The following NYAP2 variants were observed in gnomAD, a reference collection of about 807,000 sequenced individuals.
NYAP2 encodes neuronal tyrosine-phosphorylated phosphoinositide-3-kinase adaptor 2, also known as neuronal tyrosine-phosphorylated phosphoinositide-3-kinase adapter 2.
NYAP2 carries 23 observed loss-of-function variants against 50.4 expected under a neutral mutation model. That is an observed-to-expected ratio of 0.46 (90% confidence interval 0.33 to 0.65). NYAP2 has a LOEUF of 0.65. NYAP2 is among the 30% of genes least tolerant of loss of function. The pLI, the probability that NYAP2 is intolerant of heterozygous loss-of-function variation, is 0.02. For missense variants in NYAP2, 885 were observed against 861.0 expected, an observed-to-expected ratio of 1.03 and a Z score of -0.35; for synonymous variants, 394 against 365.2, an observed-to-expected ratio of 1.08 and a Z score of -0.90.
At chr2:225,570,149 C>T (rs115138455) in intron 4 of NYAP2, among the ~76,000 whole-genome samples, 160 of 152,286 alleles carry the variant, frequency 1.1e-3, no homozygotes, top group African/African-American at 3.4e-3. Context: ...TTGTGATATA[C>T]ACTGTGAACA....
rs1690979046 is a variant in NYAP2, at chr2:225,518,546, ATATATATATATATATATAT to A, written c.523+4875_523+4893del. ...AATATATATATATATATATATATATATATATATATATATATATATATATTAGCGTGTGCGCTTATATATA... is the reference window on the plus strand; with the variant it reads ...AATATATATATATATATATATATATAATATTAGCGTGTGCGCTTATATATA... On this transcript the variant is annotated intron_variant, in intron 4 of 6. Coordinates refer to ENST00000636099, the Ensembl canonical transcript of NYAP2. Among the ~76,000 whole-genome samples, 4 of 74,302 alleles carry A rather than the reference ATATATATATATATATATAT, an allele frequency of 5.4e-5. 1 individual carries two copies. The highest frequency in any genetic ancestry group is 2.0e-4 in the African/African-American group (4 of 19,824). 48.7% of individuals were successfully genotyped at this position (74,302 alleles called of 152,430 possible).
intron 4 of NYAP2, among the ~76,000 whole-genome samples, chr2:225,561,648 A>G (rs534068141): frequency 4.0e-4 from 61 of 152,210 alleles, no homozygotes; most frequent in African/African-American, 1.3e-3. Context: ...AGAGGCAGCT[A>G]TAGTTTATTG....
chr2:225,581,822 A>G (rs1692273943), intron 4 of NYAP2, 119 bp from the exon 5 acceptor site: 4 of 947,080 alleles, frequency 4.2e-6, no homozygotes, highest in Non-Finnish European at 6.4e-6. Context: ...AACTCAAACT[A>G]AGAATGAAGC....
chr2:225,661,703 C>T, the NYAP2 span, among the ~76,000 whole-genome samples: 1 of 149,720 alleles, frequency 6.7e-6, no homozygotes, highest in Non-Finnish European at 1.5e-5. Flanking sequence ...TCATATATAA[C>T]TTCCTTTTTG....
At chr2:225,494,155 A>G (rs1294602243) in intron 3 of NYAP2, among the ~76,000 whole-genome samples, 1 of 152,236 alleles carries the variant, frequency 6.6e-6, no homozygotes. Flanking sequence ...AAGAAGAAAA[A>G]TATTTTATAA....
the NYAP2 span, among the ~76,000 whole-genome samples, chr2:225,666,113 C>T: frequency 5.9e-5 from 9 of 151,966 alleles, no homozygotes; most frequent in African/African-American, 1.5e-4. Context: ...AATTAACTTT[C>T]GGCCAATTTA....
At chr2:225,462,694 A>G (rs1689852373) in intron 3 of NYAP2, among the ~76,000 whole-genome samples, 1 of 152,316 alleles carries the variant, frequency 6.6e-6, no homozygotes, top group African/African-American at 2.4e-5. Context: ...ATCAGAGCAC[A>G]ATCAGAATGT....
chr2:225,488,930 G>A (rs1229790084), intron 3 of NYAP2, among the ~76,000 whole-genome samples: 2 of 152,140 alleles, frequency 1.3e-5, no homozygotes, highest in East Asian at 3.9e-4. Context: ...AAACCACATA[G>A]TAAATAGGGA....
chr2:225,539,532 G>T (rs1281082164), intron 4 of NYAP2, among the ~76,000 whole-genome samples: 1 of 152,142 alleles, frequency 6.6e-6, no homozygotes, highest in South Asian at 2.1e-4. Flanking sequence ...TTTAATGATT[G>T]CCATTCTAAC....
downstream of NYAP2, among the ~76,000 whole-genome samples, chr2:225,655,684 C>G (rs1693809177): frequency 6.6e-6 from 1 of 152,094 alleles, no homozygotes; most frequent in Non-Finnish European, 1.5e-5. Context: ...CCATTGGAAA[C>G]AGTGCCATCT....
At chr2:225,583,342 G>C (rs1227393156) in intron 5 of NYAP2, among the ~76,000 whole-genome samples, 23 of 152,094 alleles carry the variant, frequency 1.5e-4, no homozygotes, top group Admixed American at 1.3e-3. Flanking sequence ...AGTGAAAATA[G>C]GGACCACTAT....
chr2:225,569,782 C>T (rs1202379402), intron 4 of NYAP2, among the ~76,000 whole-genome samples: 1 of 152,152 alleles, frequency 6.6e-6, no homozygotes, highest in Non-Finnish European at 1.5e-5. Context: ...GATTCCAGAG[C>T]ACGTTCTCCC....
chr2:225,621,158 T>C (rs1430390720), intron 5 of NYAP2, among the ~76,000 whole-genome samples: 2 of 147,178 alleles, frequency 1.4e-5, no homozygotes, highest in Non-Finnish European at 3.0e-5. Context: ...TGGGCTGAAG[T>C]AGATGGGTCG....
intron 6 of NYAP2, among the ~76,000 whole-genome samples, chr2:225,638,299 A>G (rs1355772296): frequency 6.6e-6 from 1 of 151,796 alleles, no homozygotes; most frequent in South Asian, 2.1e-4. Context: ...TGGAAAGTCA[A>G]ATGAGAGAGA....
chr2:225,470,092 G>C (rs1354035133), intron 3 of NYAP2, among the ~76,000 whole-genome samples: 1 of 152,156 alleles, frequency 6.6e-6, no homozygotes. Flanking sequence ...TATTTCATCT[G>C]TCTTATCTAT....
intron 3 of NYAP2, among the ~76,000 whole-genome samples, chr2:225,473,637 C>T (rs1187988907): frequency 6.6e-6 from 1 of 152,166 alleles, no homozygotes; most frequent in Admixed American, 6.5e-5. Flanking sequence ...ATATCCTTTG[C>T]CCACTTGTTG....
chr2:225,527,102 T>C (rs897103853), intron 4 of NYAP2, among the ~76,000 whole-genome samples: 1 of 152,182 alleles, frequency 6.6e-6, no homozygotes, highest in Non-Finnish European at 1.5e-5. Context: ...GTCCAAAGAA[T>C]ACCCTGCCTT....
Position 225,446,250 on chromosome 2 carries a change from A to AT in NYAP2, c.221+37150dup, listed in dbSNP as rs1559182016. On this transcript the variant is annotated intron_variant, in intron 3 of 6. Transcript: ENST00000636099. ...TCTCTCTCTCTCTCTCTCTCTCTAT[A>AT]TATATATATATATATATATATATAT... is the stretch of plus-strand genomic sequence containing the variant. Among the ~76,000 whole-genome samples, 45 of 73,238 alleles carry AT rather than the reference A, an allele frequency of 6.1e-4. 1 individual carries two copies. Among genetic ancestry groups the AT allele is most frequent in the African/African-American group, 1.5e-3 (38 of 24,614 alleles). The allele number at this position is 73,238 out of a possible 152,430, so 48.0% of individuals were successfully genotyped here. A position where few individuals can be genotyped will look rare whatever the true frequency, so the allele number is the denominator to read the frequency against.
chr2:225,601,099 T>C (rs1398980921), intron 5 of NYAP2, among the ~76,000 whole-genome samples: 1 of 151,502 alleles, frequency 6.6e-6, no homozygotes, highest in Non-Finnish European at 1.5e-5. Flanking sequence ...TGCTGAATCA[T>C]GTGGGTAGTA....
Sources: gnomAD v4.1 joint callset for allele counts (sites outside exome capture counted in the v4.1 genomes callset) on GRCh38, gnomAD v4.1.1 for gene constraint, MANE v1.5 for transcripts, NCBI Gene and HGNC (gene_info 2026-07-23, HGNC 2026-07-21) for gene names.